Variants in CAMSAP2 observed in about 807,000 individuals in gnomAD.
CAMSAP2 encodes the protein calmodulin regulated spectrin associated protein family member 2.
Under a neutral mutation model 146.1 loss-of-function variants are expected in CAMSAP2, and 26 were observed. The observed-to-expected ratio is 0.18, with a 90% CI of 0.13 to 0.25. The LOEUF is 0.25. CAMSAP2 is among the 10% of genes least tolerant of loss of function. The probability of loss-of-function intolerance (pLI) is 1.00; values close to 1 mark genes in which losing one functional copy is unlikely to be tolerated. For synonymous variants in CAMSAP2, 499 were observed against 596.6 expected (o/e 0.84, Z 2.38); for missense variants, 1,381 against 1,759.3 (o/e 0.78, Z 3.85).
intron 1 of CAMSAP2, among the ~76,000 whole-genome samples, chr1:200,754,250 A>G (rs901159121): frequency 2.6e-5 from 4 of 152,232 alleles, no homozygotes; most frequent in South Asian, 4.1e-4. Flanking sequence ...AAGTTATAGA[A>G]GCCTGGTAGA....
chr1:200,759,899 A>G (rs1664755214), intron 1 of CAMSAP2, among the ~76,000 whole-genome samples: 1 of 152,220 alleles, frequency 6.6e-6, no homozygotes, highest in African/African-American at 2.4e-5. Flanking sequence ...AGAATAGGCA[A>G]GAAAACTTGT....
intron 4 of CAMSAP2, among the ~76,000 whole-genome samples, chr1:200,815,918 T>C (rs1666470139): frequency 6.6e-6 from 1 of 152,224 alleles, no homozygotes; most frequent in African/African-American, 2.4e-5. Context: ...TTTGGTAAAA[T>C]GTGTAAAACA....
Position 200,848,802 on chromosome 1 carries a change from C to T in CAMSAP2, c.2033C>T (p.Ala678Val). ...VSTKSQPGSS[A>V]SSSSGVKMTS... ...ACCAAGTCTCAGCCAGGCAGCAGTG[C>T]TTCTTCTAGTTCTGGAGTTAAAATG... is the stretch of plus-strand genomic sequence containing the variant. Residue 678 changes from alanine (A) to valine (V), a missense_variant, in exon 11 of 17, where the codon GCT becomes GTT. Coordinates refer to ENST00000358823, the MANE Select transcript of CAMSAP2 (RefSeq NM_203459.4). 6.2e-7 allele frequency: 1 copy of T among 1,614,140 alleles called. No individual in the cohort carries two copies. Among genetic ancestry groups the T allele is most frequent in the Non-Finnish European group, 8.5e-7 (1 of 1,179,994 alleles).
chr1:200,859,928 C>T lies in CAMSAP2; in HGVS notation c.*1869C>T, dbSNP rs895393109. ...AGCATTTTACGTTACTAAATTTGTTCATTTCAATATTAACTAAATTTCCCT... is the reference window on the plus strand; with the variant it reads ...AGCATTTTACGTTACTAAATTTGTTTATTTCAATATTAACTAAATTTCCCT... On this transcript the variant is annotated 3_prime_UTR_variant, in exon 17 of 17. Transcript: ENST00000358823. 2 of 152,404 alleles carry T rather than the reference C, an allele frequency of 1.3e-5. No individual in the cohort carries two copies. Among genetic ancestry groups the T allele is most frequent in the African/African-American group, 2.4e-5 (1 of 41,422 alleles). 9.4% of individuals were successfully genotyped at this position (152,404 alleles called of 1,614,324 possible). A position where few individuals can be genotyped will look rare whatever the true frequency, so the allele number is the denominator to read the frequency against.
chr1:200,855,000 A>G lies in CAMSAP2; in HGVS notation c.3896+111A>G, dbSNP rs1458101777. The G allele has an allele frequency of 6.9e-6, 5 of 722,576 alleles. No homozygotes were observed. The Admixed American group carries it at 1.3e-4, about 19-fold the overall frequency. 44.8% of individuals were successfully genotyped at this position (722,576 alleles called of 1,614,324 possible). A position where few individuals can be genotyped will look rare whatever the true frequency, so the allele number is the denominator to read the frequency against. On this transcript the variant is annotated intron_variant, in intron 14 of 16. Coordinates refer to ENST00000358823, the MANE Select transcript of CAMSAP2 (RefSeq NM_203459.4). ...TTTTACATTTTATAATGACCAAATC[A>G]TAATCACAAATTTTACTAAGTTTTG...
intron 8 of CAMSAP2, among the ~76,000 whole-genome samples, chr1:200,846,232 ACACT>A (rs1047157844): frequency 6.6e-6 from 1 of 152,206 alleles, no homozygotes; most frequent in African/African-American, 2.4e-5. Context: ...GATTTAGAAA[ACACT>A]CAGTGTTCTA....
intron 7 of CAMSAP2, among the ~76,000 whole-genome samples, chr1:200,843,245 G>T (rs1446504771): frequency 6.6e-6 from 1 of 152,098 alleles, no homozygotes; most frequent in African/African-American, 2.4e-5. Context: ...AAAAATAAAA[G>T]AAGAGAAAGT....
chr1:200,741,960 G>A (rs1233954870), intron 1 of CAMSAP2, among the ~76,000 whole-genome samples: 3 of 152,216 alleles, frequency 2.0e-5, no homozygotes, highest in Non-Finnish European at 4.4e-5. Context: ...TGGCAGAAGT[G>A]AGTTTTGATT....
intron 2 of CAMSAP2, among the ~76,000 whole-genome samples, chr1:200,764,918 A>G (rs1437129485): frequency 6.6e-6 from 1 of 152,170 alleles, no homozygotes; most frequent in East Asian, 1.9e-4. Flanking sequence ...AGCCTGGCCA[A>G]CATAGTGAAA....
chr1:200,845,413 C>T (rs185792961), intron 8 of CAMSAP2, among the ~76,000 whole-genome samples: 40 of 152,026 alleles, frequency 2.6e-4, no homozygotes, highest in Middle Eastern at 3.4e-3. Context: ...AGGAGGACAC[C>T]GGGAATAATT....
intron 2 of CAMSAP2, among the ~76,000 whole-genome samples, chr1:200,774,307 GA>G (rs200539713): frequency 0.011 from 1,582 of 146,016 alleles, 26 homozygotes; most frequent in African/African-American, 0.035. Flanking sequence ...TTCTGTAATA[GA>G]AAAAAAAAAA....
chr1:200,782,127 T>G (rs1665450771), intron 2 of CAMSAP2, among the ~76,000 whole-genome samples: 1 of 152,176 alleles, frequency 6.6e-6, no homozygotes, highest in South Asian at 2.1e-4. Context: ...ATGCCTTAAG[T>G]AATAAAAACA....
intron 2 of CAMSAP2, among the ~76,000 whole-genome samples, chr1:200,765,190 A>C (rs906484593): frequency 2.6e-5 from 4 of 152,046 alleles, no homozygotes; most frequent in Non-Finnish European, 5.9e-5. Flanking sequence ...TTAATACTAC[A>C]ATCTGCTTAT....
chr1:200,786,755 AGAG>A (rs757293256), intron 2 of CAMSAP2, among the ~76,000 whole-genome samples: 7 of 152,208 alleles, frequency 4.6e-5, no homozygotes, highest in South Asian at 2.1e-4. Flanking sequence ...GCATAGCTAG[AGAG>A]GAGAAGTCAG....
intron 4 of CAMSAP2, among the ~76,000 whole-genome samples, chr1:200,822,247 A>G (rs1049591685): frequency 1.3e-5 from 2 of 152,142 alleles, no homozygotes; most frequent in Non-Finnish European, 2.9e-5. Context: ...ACTTCAATAT[A>G]TATTTCCTAA....
intron 4 of CAMSAP2, among the ~76,000 whole-genome samples, chr1:200,828,371 CAGG>C (rs1268041486): frequency 6.6e-6 from 1 of 152,052 alleles, no homozygotes; most frequent in Non-Finnish European, 1.5e-5. Context: ...AGGAGAGAGA[CAGG>C]AGAAGATAGT....
chr1:200,740,376 A>G (rs939583161), intron 1 of CAMSAP2, among the ~76,000 whole-genome samples: 2 of 151,962 alleles, frequency 1.3e-5, no homozygotes, highest in Non-Finnish European at 2.9e-5. Context: ...TGGATGGTGC[A>G]TAGTACTATA....
chr1:200,775,347 G>A (rs1217917639), intron 2 of CAMSAP2, among the ~76,000 whole-genome samples: 3 of 152,210 alleles, frequency 2.0e-5, no homozygotes, highest in African/African-American at 7.2e-5. Flanking sequence ...GAAAAAGATT[G>A]TAGCCAAAGC....
Position 200,859,296 on chromosome 1 carries a change from G to A in CAMSAP2, c.*1237G>A, listed in dbSNP as rs980812379. 6.6e-6 allele frequency: 1 copy of A among 152,536 alleles called. No homozygotes were observed. The highest frequency in any genetic ancestry group is 1.5e-5 in the Non-Finnish European group (1 of 67,882). The allele number at this position is 152,536 out of a possible 1,614,324, so 9.4% of individuals were successfully genotyped here. Reference sequence around the variant, plus strand: ...TTGTGACAAATGTGTAAACTAGCGGGGGAAGACAGTATTGTATCATAAATG... The same window carrying A: ...TTGTGACAAATGTGTAAACTAGCGGAGGAAGACAGTATTGTATCATAAATG... On this transcript the variant is annotated 3_prime_UTR_variant, in exon 17 of 17. Transcript: ENST00000358823.
Sources: gnomAD v4.1 joint callset for allele counts (sites outside exome capture counted in the v4.1 genomes callset) on GRCh38, gnomAD v4.1.1 for gene constraint, MANE v1.5 for transcripts, NCBI Gene and HGNC (gene_info 2026-07-23, HGNC 2026-07-21) for gene names.